The following RELT variants were observed in gnomAD, a reference collection of about 807,000 sequenced individuals.
RELT encodes the protein tumor necrosis factor receptor superfamily member 19L.
Under a neutral mutation model 51.1 loss-of-function variants are expected in RELT, and 37 were observed. The observed-to-expected ratio is 0.72, with a 90% CI of 0.56 to 0.95. The LOEUF is 0.95. Ranked by LOEUF, RELT falls within the 40% of genes least tolerant of loss-of-function variation. RELT has a pLI of 0.00. For missense variants in RELT, 535 were observed against 572.6 expected (o/e 0.93, Z 0.67); for synonymous variants, 241 against 235.7 (o/e 1.02, Z -0.21).
chr11:73,391,369 TC>T, intron 5 of RELT, 146 bp downstream of exon 5: 1 of 704,970 alleles, frequency 1.4e-6, no homozygotes, highest in Non-Finnish European at 2.4e-6. Flanking sequence ...CCAAAGGGTC[TC>T]CAGCAGGGCA....
chr11:73,378,845 G>A (rs1416172232), intron 1 of RELT, among the ~76,000 whole-genome samples: 1 of 152,246 alleles, frequency 6.6e-6, no homozygotes, highest in Non-Finnish European at 1.5e-5. Flanking sequence ...TTTGAAGAGT[G>A]TATGGAGTTA....
chr11:73,393,497 C>T (rs1866251475), intron 6 of RELT: 2 of 1,242,692 alleles, frequency 1.6e-6, no homozygotes, highest in Non-Finnish European at 1.0e-6. Context: ...TGGCAGCCCA[C>T]AGCTCCTTGA....
chr11:73,393,623 G>A (rs1268830916), intron 6 of RELT: 1 of 1,514,236 alleles, frequency 6.6e-7, no homozygotes, highest in South Asian at 1.2e-5. Flanking sequence ...CGGGCTGTTG[G>A]GTGCAGGAAG....
At chr11:73,383,424 T>C (rs1866078195) in intron 1 of RELT, among the ~76,000 whole-genome samples, 1 of 152,180 alleles carries the variant, frequency 6.6e-6, no homozygotes, top group African/African-American at 2.4e-5. Context: ...CAAATGAGTA[T>C]AGATGCAGGC....
At chr11:73,390,988 A>G (rs1234128903) in intron 4 of RELT, 67 bp downstream of exon 4, 1 of 1,579,160 alleles carries the variant, frequency 6.3e-7, no homozygotes, top group East Asian at 2.2e-5. Flanking sequence ...CTGGGGCCCC[A>G]GCCTTATTGT....
chr11:73,382,961 A>G (rs1461751445), intron 1 of RELT, among the ~76,000 whole-genome samples: 1 of 152,146 alleles, frequency 6.6e-6, no homozygotes, highest in East Asian at 1.9e-4. Context: ...CTTGGCCTCA[A>G]GGGGCCAATT....
At position 73,394,297 on chromosome 11, in the gene RELT, G is replaced by C. The variant is rs200855585; in HGVS notation, c.768G>C (p.Thr256=). The C allele has an allele frequency of 1.2e-6, 2 of 1,612,922 alleles. No homozygotes were observed. Among genetic ancestry groups the C allele is most frequent in the Non-Finnish European group, 1.7e-6 (2 of 1,179,916 alleles). ...KEYHSKQLVQ[T]SHRPVSKLPP... The stretch of plus-strand genomic sequence containing the variant: ...ACCACAGCAAACAGCTGGTGCAGAC[G>C]AGCCACAGGCCTGTGTCCAAGTGAG... The change falls in exon 8 of 11, where the codon ACG becomes ACC. Residue 256 remains threonine (T), a synonymous_variant. Transcript: ENST00000064780. This position sits in a 1 kb window ranked among gnomAD's most constrained non-coding sequence, Gnocchi z 4.9.
At chr11:73,393,771 T>A (rs1344490962) in intron 6 of RELT, 66 bp from the exon 7 acceptor site, 1 of 1,584,278 alleles carries the variant, frequency 6.3e-7, no homozygotes, top group East Asian at 2.2e-5. Context: ...TGCTGGCAGA[T>A]CATGGTTTAG....
Position 73,394,296 on chromosome 11 carries a change from C to A in RELT, c.767C>A (p.Thr256Lys), listed in dbSNP as rs141813904. 6.2e-7 allele frequency: 1 copy of A among 1,611,178 alleles called. No homozygotes were observed. Among genetic ancestry groups the A allele is most frequent in the African/African-American group, 1.3e-5 (1 of 74,802 alleles). The change falls in exon 8 of 11, where the codon ACG (threonine) becomes AAG (lysine). Residue 256 changes from threonine to lysine, a missense_variant. Physicochemically the swap from Thr to Lys is moderately conservative, Grantham distance 78 (BLOSUM62 -1). Transcript: ENST00000064780. This position sits in a 1 kb window ranked among gnomAD's most constrained non-coding sequence, Gnocchi z 4.9. Reference sequence around the variant, plus strand: ...TACCACAGCAAACAGCTGGTGCAGACGAGCCACAGGCCTGTGTCCAAGTGA... The same window carrying A: ...TACCACAGCAAACAGCTGGTGCAGAAGAGCCACAGGCCTGTGTCCAAGTGA... Reference protein sequence around the residue: ...KEYHSKQLVQTSHRPVSKLPP... With the variant: ...KEYHSKQLVQKSHRPVSKLPP...
rs1021802231 is a variant in RELT at position 73,390,556 on chromosome 11, G to T, written c.51G>T (p.Leu17=). The change falls in exon 3 of 11, where the codon CTG becomes CTT. Residue 17 remains leucine (L), a synonymous_variant. Transcript: ENST00000064780. ...AATGCCTACTGTTCTTCTAGCTGCT[G>T]CCCTGGCCTCTCGCCACCCTGACAT... is the stretch of plus-strand genomic sequence containing the variant. The part of the protein sequence containing the change: ...CRPLSCFLML[L]PWPLATLTST... 1.9e-6 allele frequency: 3 copies of T among 1,613,908 alleles called. No individual in the cohort carries two copies. The highest frequency in any genetic ancestry group is 2.7e-5 in the African/African-American group (2 of 74,920).
intron 5 of RELT, 116 bp from the exon 6 acceptor site, chr11:73,392,095 C>T (rs1866224001): frequency 4.1e-6 from 5 of 1,229,920 alleles, no homozygotes; most frequent in Non-Finnish European, 5.6e-6. Flanking sequence ...GGGGAGTGGG[C>T]TCCCCTGGGC....
In RELT at chr11:73,391,646, A is replaced by T. The variant is rs551855239; in HGVS notation, c.367+423A>T. ...TGTCTGCAAAAAATAAAAATAAAAA[A>T]TTAGCCGGGCGTGGTGGTGCTACTC... On this transcript the variant is annotated intron_variant, in intron 5 of 10. Coordinates refer to ENST00000064780, the MANE Select transcript of RELT (RefSeq NM_152222.2). 2.0e-5 allele frequency among the ~76,000 whole-genome samples: 3 copies of T among 152,270 alleles called. No individual in the cohort carries two copies. The East Asian group carries it at 5.8e-4, about 29-fold the overall frequency.
chr11:73,392,955 G>T (rs912840313), intron 6 of RELT: 3 of 1,008,380 alleles, frequency 3.0e-6, no homozygotes, highest in South Asian at 4.1e-5. Context: ...GGAGGGACAG[G>T]CATGCGCCAC....
At chr11:73,389,402 C>G (rs570662628) in intron 2 of RELT, among the ~76,000 whole-genome samples, 2 of 152,316 alleles carry the variant, frequency 1.3e-5, no homozygotes, top group African/African-American at 4.8e-5. Context: ...CATTTATGGG[C>G]AAGGCAGGCA....
chr11:73,391,194 G>A lies in RELT; in HGVS notation c.338G>A (p.Trp113Ter). ...VPRVPCQPCS[W>*]APLGTHGCDE... ...CGCGTTCCATGTCAACCATGTTCCT[G>A]GGCACCTCTGGGTACTCATGGCTGT... Residue 113 changes from tryptophan to a stop codon, truncating the protein, a stop_gained, in exon 5 of 11, where the codon TGG becomes TAG. Transcript: ENST00000064780. LOFTEE classifies it high-confidence loss of function. 1 of 1,613,964 alleles carries A rather than the reference G, an allele frequency of 6.2e-7. No homozygotes were observed. The highest frequency in any genetic ancestry group is 8.5e-7 in the Non-Finnish European group (1 of 1,179,944).
rs1018890612 is a variant in RELT, at chr11:73,377,159, C to T, written c.-26+660C>T. Among the ~76,000 whole-genome samples the T allele has an allele frequency of 2.0e-4, 30 of 152,124 alleles. 1 individual carries two copies. The highest frequency in any genetic ancestry group is 4.0e-4 in the Non-Finnish European group (27 of 68,008). ...GGCTTGGGGCGTGACCGGCGCAGGGCCAGGGCCACCCGTTACTGTGAGTGT... is the reference window on the plus strand; with the variant it reads ...GGCTTGGGGCGTGACCGGCGCAGGGTCAGGGCCACCCGTTACTGTGAGTGT... On this transcript the variant is annotated intron_variant, in intron 1 of 10. Coordinates refer to ENST00000064780, the MANE Select transcript of RELT (RefSeq NM_152222.2).
At chr11:73,391,105 GA>G in intron 4 of RELT, 38 bp from the exon 5 acceptor site, 1 of 1,600,026 alleles carries the variant, frequency 6.2e-7, no homozygotes, top group Non-Finnish European at 8.6e-7. Context: ...AGTGTTTGGG[GA>G]AACTTCTGGG....
Position 73,395,164 on chromosome 11 carries a change from C to T in RELT, c.1124C>T (p.Pro375Leu), listed in dbSNP as rs1212717289. ...SEVKTITEAG[P>L]SWGDLPDSPQ... ...GTGAAGACCATCACGGAGGCTGGGC[C>T]CTCGTGGGGTGATCTCCCTGACTCC... Residue 375 changes from proline (P) to leucine (L), a missense_variant, in exon 10 of 11, where the codon CCC becomes CTC. Physicochemically the swap from Pro to Leu is moderately conservative, Grantham distance 98. Transcript: ENST00000064780. 5.0e-6 allele frequency: 8 copies of T among 1,613,304 alleles called. No homozygotes were observed. The highest frequency in any genetic ancestry group is 6.8e-6 in the Non-Finnish European group (8 of 1,179,974).
intron 1 of RELT, among the ~76,000 whole-genome samples, chr11:73,385,860 C>A (rs1214582745): frequency 2.6e-5 from 4 of 152,158 alleles, no homozygotes; most frequent in Non-Finnish European, 5.9e-5. Flanking sequence ...GACCCCGTCT[C>A]TACAGAAAAT....
Sources: allele counts gnomAD v4.1 joint callset (sites outside exome capture counted in the v4.1 genomes callset), GRCh38; gene constraint gnomAD v4.1.1; non-coding constraint Gnocchi (gnomAD v3.1); transcripts MANE v1.5; gene names NCBI Gene and HGNC (gene_info 2026-07-23, HGNC 2026-07-21).